The following HOXC10 variants were observed in gnomAD, a reference collection of about 807,000 sequenced individuals.
The protein encoded by HOXC10 is homeobox C10, also known as homeobox protein Hox-C10.
In HOXC10, 15 loss-of-function variants were observed where a neutral mutation model predicts 26.0. The ratio of observed to expected loss-of-function variants is 0.58; its 90% CI spans 0.39 to 0.89. The LOEUF is 0.89. Ranked by LOEUF, HOXC10 falls within the 40% of genes least tolerant of loss-of-function variation. The probability of loss-of-function intolerance (pLI) is 0.00; values close to 1 mark genes in which losing one functional copy is unlikely to be tolerated. For synonymous variants in HOXC10, 196 were observed against 185.5 expected (o/e 1.06, Z -0.46); for missense variants, 446 against 451.9 (o/e 0.99, Z 0.12).
Position 53,985,565 on chromosome 12 carries a change from A to G in HOXC10, c.306A>G (p.Pro102=). 1 of 1,613,618 alleles carries G rather than the reference A, an allele frequency of 6.2e-7. No individual in the cohort carries two copies. The highest frequency in any genetic ancestry group is 8.5e-7 in the Non-Finnish European group (1 of 1,179,982). The change falls in exon 1 of 2, where the codon CCA becomes CCG. Residue 102 remains proline, a synonymous_variant. Coordinates refer to ENST00000303460, the MANE Select transcript of HOXC10 (RefSeq NM_017409.4). ...VGRPLSSCSY[P]PSVKEENVCC... Reference sequence around the variant, plus strand: ...GGCCGCTGTCCTCCTGCTCCTACCCACCTAGTGTCAAGGAGGAGAATGTCT... The same window carrying G: ...GGCCGCTGTCCTCCTGCTCCTACCCGCCTAGTGTCAAGGAGGAGAATGTCT...
At position 53,985,766 on chromosome 12, in the gene HOXC10, C is replaced by T. The variant is rs1375665715; in HGVS notation, c.507C>T (p.Asp169=). 3.1e-6 allele frequency: 5 copies of T among 1,613,748 alleles called. No homozygotes were observed. The highest frequency in any genetic ancestry group is 4.2e-6 in the Non-Finnish European group (5 of 1,179,990). Residue 169 remains aspartate (D), a synonymous_variant, in exon 1 of 2, where the codon GAC becomes GAT. Transcript: ENST00000303460. The stretch of plus-strand genomic sequence containing the variant: ...CGCCCCACTGTTCTGGGGCCAACGA[C>T]TTCGAAGCCCCTTTCGAGCAGCGGG... ...DKTPHCSGAN[D]FEAPFEQRAS...
chr12:53,989,251 C>T lies in HOXC10; in HGVS notation c.834C>T (p.His278=), dbSNP rs1565720217. The change falls in exon 2 of 2, where the codon CAC becomes CAT. Residue 278 remains histidine, a synonymous_variant. Transcript: ENST00000303460. ...GRKKRCPYTK[H]QTLELEKEFL... is the part of the protein sequence containing the mutation. ...AGAAGAGGTGCCCCTATACTAAACA[C>T]CAGACGCTGGAATTGGAGAAAGAAT... The T allele has an allele frequency of 1.2e-6, 2 of 1,614,114 alleles. No homozygotes were observed. Among genetic ancestry groups the T allele is most frequent in the East Asian group, 2.2e-5 (1 of 44,886 alleles).
chr12:53,985,325 A>T lies in HOXC10; in HGVS notation c.66A>T (p.Gly22=). 1 of 1,606,608 alleles carries T rather than the reference A, an allele frequency of 6.2e-7. No individual in the cohort carries two copies. The highest frequency in any genetic ancestry group is 8.5e-7 in the Non-Finnish European group (1 of 1,175,922). Residue 22 remains glycine (G), a synonymous_variant, in exon 1 of 2, where the codon GGA becomes GGT. Coordinates refer to ENST00000303460, the MANE Select transcript of HOXC10 (RefSeq NM_017409.4). ...YAEPLAAPGG[G]ERYSRSAGMY... Reference sequence around the variant, plus strand: ...AGCCCTTGGCTGCGCCCGGCGGAGGAGAGCGCTATAGCCGGAGCGCAGGCA... The same window carrying T: ...AGCCCTTGGCTGCGCCCGGCGGAGGTGAGCGCTATAGCCGGAGCGCAGGCA...
In HOXC10 at chr12:53,985,952, A is replaced by C. The variant is rs1359539616; in HGVS notation, c.693A>C (p.Glu231Asp). The change falls in exon 1 of 2, where the codon GAA becomes GAC. Residue 231 changes from glutamate (E) to aspartate (D), a missense_variant. Physicochemically the swap from Glu to Asp is conservative, Grantham distance 45. Coordinates refer to ENST00000303460, the MANE Select transcript of HOXC10 (RefSeq NM_017409.4). ...CTAAAGGGAGCCCCTCGGAGAGCGA[A>C]AAGGAGAGGGCCAAAGCTGCCGACT... ...AGPKGSPSESEKERAKAADSS... is the reference protein window; with the variant it reads ...AGPKGSPSESDKERAKAADSS... 1 of 1,611,038 alleles carries C rather than the reference A, an allele frequency of 6.2e-7. No individual in the cohort carries two copies. Among genetic ancestry groups the C allele is most frequent in the Admixed American group, 1.7e-5 (1 of 59,554 alleles).
chr12:53,986,002 A>T lies in HOXC10; in HGVS notation c.743A>T (p.Glu248Val). The change falls in exon 1 of 2, where the codon GAA becomes GTA. Residue 248 changes from glutamate (E) to valine (V), a missense_variant. Coordinates refer to ENST00000303460, the MANE Select transcript of HOXC10 (RefSeq NM_017409.4). ...TCCAGCCCAGACACCTCGGATAACG[A>T]AGCGAAAGGTAAGGCCGCCTGGGCC... is the stretch of plus-strand genomic sequence containing the variant. ...ADSSPDTSDN[E>V]AKEEIKAENT... The T allele has an allele frequency of 6.4e-7, 1 of 1,562,132 alleles. No individual in the cohort carries two copies. The highest frequency in any genetic ancestry group is 8.7e-7 in the Non-Finnish European group (1 of 1,154,812).
chr12:53,985,570 G>T lies in HOXC10; in HGVS notation c.311G>T (p.Ser104Ile), dbSNP rs374991890. 34 of 1,613,902 alleles carry T rather than the reference G, an allele frequency of 2.1e-5. No individual in the cohort carries two copies. The South Asian group carries it at 3.6e-4, about 17-fold the overall frequency. The change falls in exon 1 of 2, where the codon AGT becomes ATT. Residue 104 changes from serine to isoleucine, a missense_variant. By Grantham distance (142) the Ser-to-Ile change is moderately radical. Coordinates refer to ENST00000303460, the MANE Select transcript of HOXC10 (RefSeq NM_017409.4). ...CTGTCCTCCTGCTCCTACCCACCTAGTGTCAAGGAGGAGAATGTCTGCTGC... is the reference window on the plus strand; with the variant it reads ...CTGTCCTCCTGCTCCTACCCACCTATTGTCAAGGAGGAGAATGTCTGCTGC... Reference protein sequence around the residue: ...RPLSSCSYPPSVKEENVCCMY... With the variant: ...RPLSSCSYPPIVKEENVCCMY...
chr12:53,989,485 T>G lies in HOXC10; in HGVS notation c.*39T>G. ...CCTCCTCCCTTCCCGCTCCTTCCTC[T>G]CCCCGCCCCTCCTCCCTTTGTGCCT... On this transcript the variant is annotated 3_prime_UTR_variant, in exon 2 of 2. Coordinates refer to ENST00000303460, the MANE Select transcript of HOXC10 (RefSeq NM_017409.4). 6.4e-7 allele frequency: 1 copy of G among 1,563,726 alleles called. No homozygotes were observed. Among genetic ancestry groups the G allele is most frequent in the Non-Finnish European group, 8.7e-7 (1 of 1,150,668 alleles).
In HOXC10 at chr12:53,985,175, CGCG is replaced by C; in HGVS notation, c.-84_-82del. 7.8e-7 allele frequency: 1 copy of C among 1,274,732 alleles called. No individual in the cohort carries two copies. Among genetic ancestry groups the C allele is most frequent in the South Asian group, 2.0e-5 (1 of 51,150 alleles). 79.0% of individuals were successfully genotyped at this position (1,274,732 alleles called of 1,614,324 possible). Reference sequence around the variant, plus strand: ...TTCTTTTTCCTCCCTCCCCTCCAACCGCGCCCCCCCTCCCGGATGGGGAAAAAA... The same window carrying C: ...TTCTTTTTCCTCCCTCCCCTCCAACCCCCCCCCTCCCGGATGGGGAAAAAA... On this transcript the variant is annotated 5_prime_UTR_variant, in exon 1 of 2. Coordinates refer to ENST00000303460, the MANE Select transcript of HOXC10 (RefSeq NM_017409.4).
In HOXC10 at chr12:53,985,625, T is replaced by A; in HGVS notation, c.366T>A (p.Ser122Arg). Residue 122 changes from serine to arginine, a missense_variant, in exon 1 of 2, where the codon AGT (serine) becomes AGA (arginine). Ser to Arg is a moderately radical substitution (Grantham distance 110, BLOSUM62 -1). Coordinates refer to ENST00000303460, the MANE Select transcript of HOXC10 (RefSeq NM_017409.4). ...CMYSAEKRAK[S>R]GPEAALYSHP... ...ACAGCGCAGAGAAGCGGGCGAAAAG[T>A]GGCCCCGAGGCAGCTCTCTACTCCC... 1 of 1,613,686 alleles carries A rather than the reference T, an allele frequency of 6.2e-7. No homozygotes were observed. The highest frequency in any genetic ancestry group is 8.5e-7 in the Non-Finnish European group (1 of 1,179,978).
At chr12:53,987,572 C>A (rs1592201725) in intron 1 of HOXC10, among the ~76,000 whole-genome samples, 1 of 152,190 alleles carries the variant, frequency 6.6e-6, no homozygotes, top group South Asian at 2.1e-4. Flanking sequence ...TAGCCCCCAC[C>A]AAAAGCAAAG....
rs780462718 is a variant in HOXC10 at position 53,985,614 on chromosome 12, C to A, written c.355C>A (p.Arg119=). The change falls in exon 1 of 2, where the codon CGG becomes AGG. Residue 119 remains arginine (R), a synonymous_variant. Coordinates refer to ENST00000303460, the MANE Select transcript of HOXC10 (RefSeq NM_017409.4). ...CTGCTGCATGTACAGCGCAGAGAAGCGGGCGAAAAGTGGCCCCGAGGCAGC... is the reference window on the plus strand; with the variant it reads ...CTGCTGCATGTACAGCGCAGAGAAGAGGGCGAAAAGTGGCCCCGAGGCAGC... ...NVCCMYSAEK[R]AKSGPEAALY... 3 of 1,613,856 alleles carry A rather than the reference C, an allele frequency of 1.9e-6. No homozygotes were observed. The highest frequency in any genetic ancestry group is 2.5e-6 in the Non-Finnish European group (3 of 1,180,028).
At position 53,989,488 on chromosome 12, in the gene HOXC10, C is replaced by T; in HGVS notation, c.*42C>T. 6.4e-7 allele frequency: 1 copy of T among 1,569,106 alleles called. No homozygotes were observed. The highest frequency in any genetic ancestry group is 8.7e-7 in the Non-Finnish European group (1 of 1,153,784). ...CCTCCCTTCCCGCTCCTTCCTCTCC[C>T]CGCCCCTCCTCCCTTTGTGCCTGGT... On this transcript the variant is annotated 3_prime_UTR_variant, in exon 2 of 2. Coordinates refer to ENST00000303460, the MANE Select transcript of HOXC10 (RefSeq NM_017409.4).
Position 53,985,395 on chromosome 12 carries a change from G to C in HOXC10, c.136G>C (p.Gly46Arg), listed in dbSNP as rs150474647. 5 of 1,613,584 alleles carry C rather than the reference G, an allele frequency of 3.1e-6. No individual in the cohort carries two copies. The highest frequency in any genetic ancestry group is 8.5e-7 in the Non-Finnish European group (1 of 1,179,990). The part of the protein sequence containing the change: ...GSDFNCGVMR[G>R]CGLAPSLSKR... ...TGACTTCAATTGCGGGGTGATGAGG[G>C]GCTGCGGGCTCGCGCCCTCGCTCTC... Residue 46 changes from glycine (G) to arginine (R), a missense_variant, in exon 1 of 2, where the codon GGC becomes CGC. By Grantham distance (125) the Gly-to-Arg change is moderately radical (BLOSUM62 -2). Coordinates refer to ENST00000303460, the MANE Select transcript of HOXC10 (RefSeq NM_017409.4).
In HOXC10 at chr12:53,985,608, G is replaced by A; in HGVS notation, c.349G>A (p.Glu117Lys). The change falls in exon 1 of 2, where the codon GAG becomes AAG. Residue 117 changes from glutamate to lysine, a missense_variant. Transcript: ENST00000303460. Reference sequence around the variant, plus strand: ...GAATGTCTGCTGCATGTACAGCGCAGAGAAGCGGGCGAAAAGTGGCCCCGA... The same window carrying A: ...GAATGTCTGCTGCATGTACAGCGCAAAGAAGCGGGCGAAAAGTGGCCCCGA... The part of the protein sequence containing the change: ...EENVCCMYSA[E>K]KRAKSGPEAA... 2.5e-6 allele frequency: 4 copies of A among 1,613,886 alleles called. No individual in the cohort carries two copies. Among genetic ancestry groups the A allele is most frequent in the Non-Finnish European group, 3.4e-6 (4 of 1,180,036 alleles).
In HOXC10 at chr12:53,989,309, C is replaced by T. The variant is rs776711894; in HGVS notation, c.892C>T (p.Arg298Cys). ...CAATATGTATTTGACGCGAGAGCGC[C>T]GCCTGGAGATTAGCAAGACCATTAA... is the stretch of plus-strand genomic sequence containing the variant. ...LFNMYLTRER[R>C]LEISKTINLT... Residue 298 changes from arginine to cysteine, a missense_variant, in exon 2 of 2, where the codon CGC (arginine) becomes TGC (cysteine). Arg to Cys is a radical substitution (Grantham distance 180, BLOSUM62 -3). Transcript: ENST00000303460. The T allele has an allele frequency of 3.1e-6, 5 of 1,614,180 alleles. No homozygotes were observed. Among genetic ancestry groups the T allele is most frequent in the Non-Finnish European group, 4.2e-6 (5 of 1,180,022 alleles).
intron 1 of HOXC10, chr12:53,986,552 G>A (rs564258620): frequency 6.6e-6 from 1 of 152,470 alleles, no homozygotes; most frequent in East Asian, 1.9e-4. Context: ...GGCTCCTGCG[G>A]CTTTTGGCTC....
rs1482778216 is a variant in HOXC10 at position 53,987,342 on chromosome 12, C to T, written c.751+1332C>T. ...GCGGGCAAGGGCAGAGCCTCATCCC[C>T]TTGGGTCTGCAAAGGTGGTCTTGGT... On this transcript the variant is annotated intron_variant, in intron 1 of 1. Transcript: ENST00000303460. Among the ~76,000 whole-genome samples, 3 of 152,208 alleles carry T rather than the reference C, an allele frequency of 2.0e-5. No homozygotes were observed. In the East Asian group the frequency reaches 5.8e-4, roughly 29 times the overall value.
rs549247268 is a variant in HOXC10 at position 53,985,197 on chromosome 12, GA to G, written c.-54del. 3.0e-3 allele frequency: 3,897 copies of G among 1,278,804 alleles called. 81 individuals carry two copies. The African/African-American group carries it at 0.052, about 17-fold the overall frequency. 79.2% of individuals were successfully genotyped at this position (1,278,804 alleles called of 1,614,324 possible). A position where few individuals can be genotyped will look rare whatever the true frequency, so the allele number is the denominator to read the frequency against. ...AACCGCGCCCCCCCTCCCGGATGGG[GA>G]AAAAAAAAGATGTCAGCTCCTCCGC... On this transcript the variant is annotated 5_prime_UTR_variant, in exon 1 of 2. It introduces an in-frame stop codon into an upstream open reading frame of the 5' UTR. Transcript: ENST00000303460.
At position 53,985,199 on chromosome 12, in the gene HOXC10, A is replaced by G. The variant is rs1939408864; in HGVS notation, c.-61A>G. 1.8e-6 allele frequency: 2 copies of G among 1,086,226 alleles called. No homozygotes were observed. Among genetic ancestry groups the G allele is most frequent in the African/African-American group, 1.8e-5 (1 of 54,368 alleles). 67.3% of individuals were successfully genotyped at this position (1,086,226 alleles called of 1,614,324 possible). A position where few individuals can be genotyped will look rare whatever the true frequency, so the allele number is the denominator to read the frequency against. ...CCGCGCCCCCCCTCCCGGATGGGGAAAAAAAAAGATGTCAGCTCCTCCGCT... is the reference window on the plus strand; with the variant it reads ...CCGCGCCCCCCCTCCCGGATGGGGAGAAAAAAAGATGTCAGCTCCTCCGCT... On this transcript the variant is annotated 5_prime_UTR_variant, in exon 1 of 2. Coordinates refer to ENST00000303460, the MANE Select transcript of HOXC10 (RefSeq NM_017409.4).
Sources: gnomAD v4.1 joint callset for allele counts (sites outside exome capture counted in the v4.1 genomes callset) on GRCh38, gnomAD v4.1.1 for gene constraint, MANE v1.5 for transcripts, NCBI Gene and HGNC (gene_info 2026-07-23, HGNC 2026-07-21) for gene names.